The following ZNG1B variants were observed in gnomAD, a reference collection of about 807,000 sequenced individuals.
The protein encoded by ZNG1B is Zn regulated GTPase metalloprotein activator 1B.
the ZNG1B span, among the ~76,000 whole-genome samples, chr2:113,473,451 C>T: frequency 1.3e-5 from 2 of 149,650 alleles, no homozygotes; most frequent in African/African-American, 2.5e-5. Flanking sequence ...ATTTGACTTC[C>T]TCTTTTCCTA....
chr2:113,479,222 TCAA>T, the ZNG1B span, among the ~76,000 whole-genome samples: 1 of 139,480 alleles, frequency 7.2e-6, no homozygotes, highest in Non-Finnish European at 1.5e-5. Flanking sequence ...TTATATCCTT[TCAA>T]GCCACTGCTG....
chr2:113,437,736 G>T, the ZNG1B span: 1 of 1,526,570 alleles, frequency 6.6e-7, no homozygotes, highest in Non-Finnish European at 8.9e-7. Flanking sequence ...ATCCGGGCGG[G>T]ATCAGCGAGC....
chr2:113,455,910 A>G, the ZNG1B span, among the ~76,000 whole-genome samples: 2 of 145,246 alleles, frequency 1.4e-5, no homozygotes, highest in Admixed American at 7.0e-5. Flanking sequence ...TAGAGACAGG[A>G]TTTTACCATG....
chr2:113,487,447 A>G, the ZNG1B span, among the ~76,000 whole-genome samples: 2 of 152,194 alleles, frequency 1.3e-5, 1 homozygote, highest in South Asian at 4.1e-4. Context: ...AGTATTGTTA[A>G]CTGTATGTAC....
the ZNG1B span, among the ~76,000 whole-genome samples, chr2:113,491,515 TAAATC>T: frequency 1.3e-5 from 1 of 78,314 alleles, no homozygotes; most frequent in Non-Finnish European, 2.6e-5. Context: ...ATTAAAGACT[TAAATC>T]TAAGACCTGA....
chr2:113,488,096 C>A, the ZNG1B span, among the ~76,000 whole-genome samples: 16 of 152,030 alleles, frequency 1.1e-4, no homozygotes, highest in Admixed American at 3.3e-4. Context: ...AAGCTAAGAA[C>A]CCTCAAAGAG....
At chr2:113,474,710 A>G in the ZNG1B span, among the ~76,000 whole-genome samples, 1 of 151,180 alleles carries the variant, frequency 6.6e-6, no homozygotes, top group African/African-American at 2.4e-5. Context: ...GTTGGTTTCA[A>G]AGAACATCTT....
the ZNG1B span, among the ~76,000 whole-genome samples, chr2:113,492,276 G>GAT: frequency 6.6e-4 from 92 of 139,576 alleles, 16 homozygotes; most frequent in Admixed American, 2.4e-3. Flanking sequence ...AAGTAACTGT[G>GAT]ATATATATAT....
chr2:113,455,564 C>T, the ZNG1B span: 4 of 1,285,478 alleles, frequency 3.1e-6, no homozygotes, highest in Non-Finnish European at 4.1e-6. Flanking sequence ...AAGTGAAATA[C>T]CACTAAAGGC....
chr2:113,468,900 CT>C, the ZNG1B span: 1 of 151,580 alleles, frequency 6.6e-6, no homozygotes, highest in Non-Finnish European at 1.5e-5. Flanking sequence ...AATATTGATC[CT>C]TTTTTGGAAG....
chr2:113,466,478 T>G, the ZNG1B span: 1 of 957,636 alleles, frequency 1.0e-6, no homozygotes, highest in Non-Finnish European at 1.2e-6. Context: ...TTTGCTTTAT[T>G]ATAGAACAAT....
chr2:113,489,529 T>G, the ZNG1B span, among the ~76,000 whole-genome samples: 1 of 152,022 alleles, frequency 6.6e-6, no homozygotes, highest in African/African-American at 2.4e-5. Flanking sequence ...ATACTAACAT[T>G]GAATATAAAT....
the ZNG1B span, among the ~76,000 whole-genome samples, chr2:113,476,327 G>C: frequency 6.6e-6 from 1 of 151,254 alleles, no homozygotes; most frequent in Non-Finnish European, 1.5e-5. Flanking sequence ...TTGAGCCTTG[G>C]TTTTCAGCTC....
the ZNG1B span, chr2:113,457,096 C>G: frequency 4.4e-6 from 2 of 454,740 alleles, no homozygotes; most frequent in Non-Finnish European, 8.8e-6. Flanking sequence ...AATGACAGCT[C>G]TCTATTCTGA....
the ZNG1B span, among the ~76,000 whole-genome samples, chr2:113,488,289 C>T: frequency 6.6e-6 from 1 of 152,100 alleles, no homozygotes; most frequent in Non-Finnish European, 1.5e-5. Context: ...GCTCAGCTCT[C>T]AGGAAGCCAC....
the ZNG1B span, chr2:113,439,047 A>T: frequency 6.5e-7 from 1 of 1,536,340 alleles, no homozygotes; most frequent in Non-Finnish European, 8.8e-7. Context: ...TGCTGAGAAG[A>T]TGAACAAATT....
chr2:113,441,130 G>C, the ZNG1B span, among the ~76,000 whole-genome samples: 2 of 152,160 alleles, frequency 1.3e-5, no homozygotes. Flanking sequence ...GTTTCAACTT[G>C]TAGGAGTGTT....
At chr2:113,438,460 T>G in the ZNG1B span, among the ~76,000 whole-genome samples, 2 of 152,108 alleles carry the variant, frequency 1.3e-5, no homozygotes, top group Non-Finnish European at 2.9e-5. Context: ...GGGGCTTTCG[T>G]CAGTAGATTC....
the ZNG1B span, among the ~76,000 whole-genome samples, chr2:113,476,773 G>C: frequency 2.0e-5 from 3 of 152,034 alleles, no homozygotes; most frequent in East Asian, 5.8e-4. Context: ...TGGAGTACCC[G>C]GCCGTGTGAG....
Sources: gnomAD v4.1 joint callset for allele counts (sites outside exome capture counted in the v4.1 genomes callset) on GRCh38, gnomAD v4.1.1 for gene constraint, MANE v1.5 for transcripts, NCBI Gene and HGNC (gene_info 2026-07-23, HGNC 2026-07-21) for gene names.